The following COL22A1 variants were observed in gnomAD, a reference collection of about 807,000 sequenced individuals.
COL22A1 encodes the protein collagen alpha-1(XXII) chain.
In COL22A1, 221 loss-of-function variants were observed where a neutral mutation model predicts 248.9. That is an observed-to-expected ratio of 0.89 (90% CI 0.80 to 0.99). The LOEUF is 0.99. Ranked by LOEUF, COL22A1 falls within the 50% of genes least tolerant of loss-of-function variation. COL22A1 has a pLI of 0.00. For missense variants in COL22A1, 2,240 were observed against 2,179.0 expected (o/e 1.03, Z -0.56); for synonymous variants, 891 against 793.4 (o/e 1.12, Z -2.07).
At chr8:138,846,904 G>A (rs1317852582) in intron 3 of COL22A1, among the ~76,000 whole-genome samples, 1 of 152,210 alleles carries the variant, frequency 6.6e-6, no homozygotes, top group Non-Finnish European at 1.5e-5. Context: ...CTGACTAACA[G>A]GAACAGACTC....
chr8:138,668,231 T>A (rs28361294), intron 41 of COL22A1, among the ~76,000 whole-genome samples: 6,735 of 152,214 alleles, frequency 0.044, 435 homozygotes, highest in African/African-American at 0.15. Flanking sequence ...ACAGACAAAA[T>A]GTGTCTGGAA....
At chr8:138,769,286 G>A (rs1834165243) in intron 16 of COL22A1, among the ~76,000 whole-genome samples, 2 of 152,166 alleles carry the variant, frequency 1.3e-5, no homozygotes, top group African/African-American at 4.8e-5. Flanking sequence ...GCTCCCTGCT[G>A]TACTCGGACC....
intron 3 of COL22A1, among the ~76,000 whole-genome samples, chr8:138,872,287 G>A (rs550058244): frequency 3.9e-5 from 6 of 152,190 alleles, no homozygotes; most frequent in African/African-American, 1.2e-4. Context: ...GGGTGGGAGA[G>A]GGGGAGGGGA....
intron 1 of COL22A1, among the ~76,000 whole-genome samples, chr8:138,898,428 C>CA (rs149015446): frequency 0.18 from 27,050 of 151,814 alleles, 2,464 homozygotes; most frequent in Middle Eastern, 0.21. Flanking sequence ...CACCACTCCC[C>CA]AAAAAATAGC....
rs760204618 is a variant in COL22A1 at position 138,725,400 on chromosome 8, G to A, written c.2180C>T (p.Pro727Leu). The change falls in exon 24 of 65, where the codon CCG becomes CTG. Residue 727 changes from proline (P) to leucine (L), a missense_variant. Physicochemically the swap from Pro to Leu is moderately conservative, Grantham distance 98. Transcript: ENST00000303045. The stretch of plus-strand genomic sequence containing the variant: ...AGCCAGTCTTACCGGAGAACCTCCC[G>A]GTCCAGGGGGGCCTGGGACACCAGG... ...GPPGVPGPPG[P>L]GGSPGLPGEI... The A allele has an allele frequency of 3.5e-5, 57 of 1,614,104 alleles. No individual in the cohort carries two copies. The highest frequency in any genetic ancestry group is 1.3e-4 in the East Asian group (6 of 44,864).
At chr8:138,770,624 T>C (rs555314397) in intron 16 of COL22A1, among the ~76,000 whole-genome samples, 1 of 152,340 alleles carries the variant, frequency 6.6e-6, no homozygotes, top group Admixed American at 6.5e-5. Context: ...CAAGAGAAGA[T>C]GGAAACCTTC....
chr8:138,627,682 C>T (rs1463952554), intron 50 of COL22A1, among the ~76,000 whole-genome samples: 1 of 152,172 alleles, frequency 6.6e-6, no homozygotes, highest in East Asian at 1.9e-4. Flanking sequence ...CCAGCCTCCC[C>T]ATCCTCTCCA....
At chr8:138,910,504 T>A (rs1815379047) in intron 1 of COL22A1, among the ~76,000 whole-genome samples, 1 of 152,174 alleles carries the variant, frequency 6.6e-6, no homozygotes, top group Admixed American at 6.5e-5. Context: ...CCCAGAACTC[T>A]CTCTGTTCCC....
At chr8:138,876,128 C>G (rs1263634563) in intron 3 of COL22A1, among the ~76,000 whole-genome samples, 1 of 152,128 alleles carries the variant, frequency 6.6e-6, no homozygotes, top group Non-Finnish European at 1.5e-5. Context: ...TTATGGGGAC[C>G]CTGACAATCT....
At chr8:138,793,870 C>A (rs773920833) in intron 12 of COL22A1, among the ~76,000 whole-genome samples, 1 of 152,166 alleles carries the variant, frequency 6.6e-6, no homozygotes, top group Non-Finnish European at 1.5e-5. Flanking sequence ...CAGGAACACA[C>A]GCGAAGGACA....
At chr8:138,598,058 A>T (rs111672829) in intron 61 of COL22A1, among the ~76,000 whole-genome samples, 1 of 152,360 alleles carries the variant, frequency 6.6e-6, no homozygotes, top group African/African-American at 2.4e-5. Flanking sequence ...TTGAGCCGGA[A>T]GGAGTGGTCA....
intron 16 of COL22A1, among the ~76,000 whole-genome samples, chr8:138,766,182 TTTC>T (rs1469817436): frequency 3.3e-5 from 5 of 152,184 alleles, no homozygotes; most frequent in East Asian, 3.9e-4. Flanking sequence ...CAAGTCCCTG[TTTC>T]TTACTTCCCT....
intron 30 of COL22A1, among the ~76,000 whole-genome samples, chr8:138,714,898 C>T (rs554625633): frequency 1.2e-4 from 18 of 152,268 alleles, no homozygotes; most frequent in African/African-American, 4.1e-4. Flanking sequence ...GGAGTCAGGG[C>T]ACATGGGGTT....
chr8:138,722,861 T>TG (rs1399105401), intron 25 of COL22A1, among the ~76,000 whole-genome samples: 1 of 18,228 alleles, frequency 5.5e-5, no homozygotes, highest in East Asian at 2.0e-3. Flanking sequence ...GGGGGGGGGG[T>TG]GGTGGAAAAC....
intron 1 of COL22A1, among the ~76,000 whole-genome samples, chr8:138,908,030 C>T (rs529981383): frequency 8.9e-4 from 136 of 152,198 alleles, no homozygotes; most frequent in Admixed American, 1.2e-3. Context: ...TTTCTTTCTG[C>T]TCTCCCTCCC....
At chr8:138,909,484 G>A (rs1384188275) in intron 1 of COL22A1, among the ~76,000 whole-genome samples, 1 of 152,072 alleles carries the variant, frequency 6.6e-6, no homozygotes, top group Non-Finnish European at 1.5e-5. Context: ...GGACCTGCCG[G>A]TGTGCAGTCA....
intron 50 of COL22A1, among the ~76,000 whole-genome samples, chr8:138,628,560 T>A (rs1820441816): frequency 6.6e-6 from 1 of 152,148 alleles, no homozygotes; most frequent in Non-Finnish European, 1.5e-5. Context: ...AAAAATTACT[T>A]CTATTTTGTA....
chr8:138,805,896 T>C (rs111206275), intron 10 of COL22A1, among the ~76,000 whole-genome samples: 8,206 of 139,340 alleles, frequency 0.059, 776 homozygotes, highest in African/African-American at 0.21. Flanking sequence ...TGGTGTATTA[T>C]GGTGTAGGTG....
intron 18 of COL22A1, among the ~76,000 whole-genome samples, chr8:138,757,304 C>CAA (rs1191622656): frequency 3.3e-5 from 1 of 30,562 alleles, no homozygotes; most frequent in Non-Finnish European, 7.2e-5. Context: ...CTGAGCTATA[C>CAA]TATGTGTGTG....
Sources: gnomAD v4.1 joint callset for allele counts (sites outside exome capture counted in the v4.1 genomes callset) on GRCh38, gnomAD v4.1.1 for gene constraint, MANE v1.5 for transcripts, NCBI Gene and HGNC (gene_info 2026-07-23, HGNC 2026-07-21) for gene names.